E4F1: variants seen among roughly 807,000 people sequenced by gnomAD.
The protein encoded by E4F1 is transcription factor E4F1.
In E4F1, 30 loss-of-function variants were observed where a neutral mutation model predicts 72.9. The ratio of observed to expected loss-of-function variants is 0.41; its 90% confidence interval spans 0.31 to 0.56. The LOEUF is 0.56. Among genes scored for constraint, E4F1 ranks in the 20% least tolerant of loss-of-function variants. The pLI is 0.25. For missense variants in E4F1, 1,091 were observed against 1,117.5 expected (o/e 0.98, Z 0.34); for synonymous variants, 542 against 478.2 (o/e 1.13, Z -1.74).
rs757113467 is a variant in E4F1, at chr16:2,233,867, C to A, written c.1267-15C>A. ...GCCTGCCCCGGGTGCTGGAGACCTT[C>A]CTGTGGTTCCCCAGCAGGTGGCCAG... On this transcript the variant is annotated splice_polypyrimidine_tract_variant and intron_variant, in intron 8 of 13. Transcript: ENST00000301727. The A allele has an allele frequency of 1.6e-5, 25 of 1,571,574 alleles. No homozygotes were observed. Among genetic ancestry groups the A allele is most frequent in the Non-Finnish European group, 1.7e-6 (2 of 1,158,574 alleles).
At chr16:2,229,821 G>A (rs2093456005) in intron 3 of E4F1, 146 bp downstream of exon 3, 4 of 786,908 alleles carry the variant, frequency 5.1e-6, no homozygotes, top group Admixed American at 2.3e-5. Flanking sequence ...CTTTCTGCGG[G>A]CACAGCCTGC....
At chr16:2,225,761 C>G (rs558842274) in intron 1 of E4F1, among the ~76,000 whole-genome samples, 1 of 146,564 alleles carries the variant, frequency 6.8e-6, no homozygotes, top group Non-Finnish European at 1.5e-5. Flanking sequence ...CGTGCGCCAC[C>G]GTGCCCGGCT....
chr16:2,228,555 C>A, intron 2 of E4F1, 32 bp downstream of exon 2: 1 of 1,602,332 alleles, frequency 6.2e-7, no homozygotes, highest in Non-Finnish European at 8.5e-7. Flanking sequence ...CATCCCCTCC[C>A]GGGTTCACCT....
At chr16:2,233,789 G>A (rs2093484208) in intron 8 of E4F1, 93 bp from the exon 9 acceptor site, 1 of 1,425,184 alleles carries the variant, frequency 7.0e-7, no homozygotes, top group Non-Finnish European at 9.5e-7. Context: ...GGGCCACAAG[G>A]GAGCCTGCCA....
chr16:2,228,308 A>G, intron 1 of E4F1, 64 bp from the exon 2 acceptor site: 1 of 1,602,380 alleles, frequency 6.2e-7, no homozygotes, highest in Non-Finnish European at 8.5e-7. Flanking sequence ...AGGAAAAGCC[A>G]GACGGAGCCC....
chr16:2,224,561 G>C (rs2093420092), intron 1 of E4F1, among the ~76,000 whole-genome samples: 1 of 152,142 alleles, frequency 6.6e-6, no homozygotes, highest in Admixed American at 6.5e-5. Flanking sequence ...AGGTCGAGAC[G>C]GGCGGGTCAC....
intron 1 of E4F1, among the ~76,000 whole-genome samples, chr16:2,227,800 C>G (rs895588888): frequency 3.3e-5 from 5 of 151,146 alleles, no homozygotes; most frequent in Admixed American, 6.6e-5. Context: ...CACACCCAGC[C>G]TAAATGTTTA....
intron 1 of E4F1, 177 bp downstream of exon 1, chr16:2,223,947 C>T (rs1378062893): frequency 3.9e-6 from 6 of 1,525,674 alleles, no homozygotes; most frequent in Admixed American, 2.0e-5. Context: ...GCGACCCTCA[C>T]GGGCCTCTCC....
Position 2,235,414 on chromosome 16 carries a change from G to T in E4F1, c.2197G>T (p.Glu733Ter). 6.2e-7 allele frequency: 1 copy of T among 1,612,208 alleles called. No homozygotes were observed. The highest frequency in any genetic ancestry group is 8.5e-7 in the Non-Finnish European group (1 of 1,179,926). ...VAMTLASAIS[E>*]GTVLAARAGT... is the part of the protein sequence containing the mutation. ...CATGACGCTGGCCTCGGCCATCAGC[G>T]AGGGCACTGTGCTTGCCGCCCGGGC... The change falls in exon 14 of 14, where the codon GAG (glutamate) becomes TAG (stop). Residue 733 changes from glutamate (E) to a stop codon, truncating the protein, a stop_gained. Transcript: ENST00000301727. LOFTEE classifies it high-confidence loss of function.
At position 2,234,932 on chromosome 16, in the gene E4F1, G is replaced by A. The variant is rs780354367; in HGVS notation, c.1866G>A (p.Thr622=). The A allele has an allele frequency of 1.0e-5, 16 of 1,567,854 alleles. No homozygotes were observed. Among genetic ancestry groups the A allele is most frequent in the South Asian group, 3.5e-5 (3 of 86,132 alleles). Residue 622 remains threonine, a synonymous_variant, in exon 12 of 14, where the codon ACG becomes ACA. Transcript: ENST00000301727. ...DSPAAATTVL[T]EDPHTVLVEF... ...CCGCGGCAGCCACCACCGTCCTCAC[G>A]GAAGACCCGCACACAGTGTTGGTGG...
At chr16:2,227,813 A>G (rs2093441268) in intron 1 of E4F1, among the ~76,000 whole-genome samples, 2 of 148,554 alleles carry the variant, frequency 1.3e-5, no homozygotes, top group African/African-American at 5.0e-5. Context: ...AATGTTTAAC[A>G]ATGTTTTAAA....
At chr16:2,233,807 G>A in intron 8 of E4F1, 75 bp from the exon 9 acceptor site, 1 of 1,443,148 alleles carries the variant, frequency 6.9e-7, no homozygotes, top group Non-Finnish European at 9.4e-7. Flanking sequence ...CCAGGGTGGG[G>A]CCCATGGTTG....
Position 2,232,359 on chromosome 16 carries a change from A to G in E4F1, c.604A>G (p.Lys202Glu). The change falls in exon 4 of 14, where the codon AAG (lysine) becomes GAG (glutamate). Residue 202 changes from lysine to glutamate, a missense_variant. Physicochemically the swap from Lys to Glu is moderately conservative, Grantham distance 56. Around this residue, in one of 5 missense-constraint regions of E4F1, gnomAD observed 362 missense variants for 358.6 expected, o/e 1.01. Coordinates refer to ENST00000301727, the MANE Select transcript of E4F1 (RefSeq NM_004424.5). Reference protein sequence around the residue: ...YVCALCHKTFKTGSILKAHMV... With the variant: ...YVCALCHKTFETGSILKAHMV... ...GTGTGCGCTGTGCCACAAGACCTTC[A>G]AGACGGTGAGCCGGCGTGCGGGGAG... 6 of 1,601,886 alleles carry G rather than the reference A, an allele frequency of 3.7e-6. No individual in the cohort carries two copies. Among genetic ancestry groups the G allele is most frequent in the Non-Finnish European group, 5.1e-6 (6 of 1,172,440 alleles).
intron 1 of E4F1, among the ~76,000 whole-genome samples, chr16:2,225,418 G>A (rs2093425115): frequency 6.6e-6 from 1 of 151,294 alleles, no homozygotes; most frequent in South Asian, 2.1e-4. Context: ...AGGATCACTT[G>A]AGCCCAAGGA....
intron 3 of E4F1, chr16:2,230,487 G>A (rs1290218156): frequency 6.5e-6 from 1 of 153,044 alleles, no homozygotes; most frequent in Non-Finnish European, 1.5e-5. Flanking sequence ...TGTGGGAGGT[G>A]GGGCGGGGCA....
In E4F1 at chr16:2,235,579, G is replaced by A. The variant is rs780776291; in HGVS notation, c.*7G>A. 16 of 1,578,480 alleles carry A rather than the reference G, an allele frequency of 1.0e-5. No homozygotes were observed. Among genetic ancestry groups the A allele is most frequent in the Non-Finnish European group, 1.4e-5 (16 of 1,158,636 alleles). On this transcript the variant is annotated 3_prime_UTR_variant, in exon 14 of 14. Transcript: ENST00000301727. ...GCAGACGGTCATCGTCTAGCATGAGGTCTGCGGGGTCCTGGCCGGGCAGGG... is the reference window on the plus strand; with the variant it reads ...GCAGACGGTCATCGTCTAGCATGAGATCTGCGGGGTCCTGGCCGGGCAGGG...
Position 2,235,067 on chromosome 16 carries a change from G to C in E4F1, c.1936-14G>C. 6.2e-7 allele frequency: 1 copy of C among 1,612,390 alleles called. No homozygotes were observed. The highest frequency in any genetic ancestry group is 8.5e-7 in the Non-Finnish European group (1 of 1,179,806). On this transcript the variant is annotated splice_polypyrimidine_tract_variant and intron_variant, in intron 12 of 13. Transcript: ENST00000301727. ...AGCCAAGGCTGACCTCTGTCCTTCT[G>C]CCCATCTGCCCAGGCCACTGCGGAC...
chr16:2,224,951 G>A (rs1461737474), intron 1 of E4F1, among the ~76,000 whole-genome samples: 1 of 151,998 alleles, frequency 6.6e-6, no homozygotes, highest in East Asian at 1.9e-4. Context: ...AGTGGCTCAC[G>A]CCTGTAATCC....
At chr16:2,224,034 G>A (rs1371267043) in intron 1 of E4F1, 1 of 1,336,016 alleles carries the variant, frequency 7.5e-7, no homozygotes, top group Middle Eastern at 2.1e-4. Context: ...CGGGCGCCCG[G>A]TGTAGACATT....
Sources: gnomAD v4.1 joint callset for allele counts (sites outside exome capture counted in the v4.1 genomes callset) on GRCh38, gnomAD v4.1.1 for gene constraint, gnomAD v4.1.1 regional missense constraint, MANE v1.5 for transcripts, NCBI Gene and HGNC (gene_info 2026-07-23, HGNC 2026-07-21) for gene names.